The following IFT80 variants were observed in gnomAD, a reference collection of about 807,000 sequenced individuals.
The protein encoded by IFT80 is intraflagellar transport protein 80 homolog.
In IFT80, 79 loss-of-function variants were observed where a neutral mutation model predicts 107.9. That is an observed-to-expected ratio of 0.73 (90% CI 0.61 to 0.88). The LOEUF is 0.88. Among genes scored for constraint, IFT80 ranks in the 40% least tolerant of loss-of-function variants. The pLI, the probability that IFT80 is intolerant of heterozygous loss-of-function variation, is 0.00. For synonymous variants in IFT80, 299 were observed against 300.9 expected, an observed-to-expected ratio of 0.99 and a Z score of 0.07; for missense variants, 797 against 914.2, an observed-to-expected ratio of 0.87 and a Z score of 1.65.
At chr3:160,266,402 CA>C (rs1206964416) in intron 19 of IFT80, among the ~76,000 whole-genome samples, 3 of 135,774 alleles carry the variant, frequency 2.2e-5, no homozygotes, top group Non-Finnish European at 4.6e-5. Context: ...TCTTTTCTTT[CA>C]TTCTGACAGG....
chr3:160,368,613 GA>G (rs1722028663), intron 5 of IFT80, among the ~76,000 whole-genome samples: 2 of 151,716 alleles, frequency 1.3e-5, no homozygotes, highest in Admixed American at 1.3e-4. Flanking sequence ...ATCTCCAAAT[GA>G]ACGAAGTTTA....
chr3:160,292,430 C>A (rs895075687), intron 12 of IFT80, among the ~76,000 whole-genome samples: 9 of 149,464 alleles, frequency 6.0e-5, no homozygotes, highest in Non-Finnish European at 8.9e-5. Flanking sequence ...ATGGATTCAT[C>A]AAGAGAGAAG....
At chr3:160,268,023 A>T (rs1289769744) in intron 19 of IFT80, among the ~76,000 whole-genome samples, 2 of 152,236 alleles carry the variant, frequency 1.3e-5, no homozygotes, top group African/African-American at 4.8e-5. Flanking sequence ...CAAAGTGACC[A>T]ACTATGCATT....
In IFT80 at chr3:160,383,798, T is replaced by C. The variant is rs559463491; in HGVS notation, c.37+766A>G. The C allele has an allele frequency of 9.2e-5, 91 of 985,410 alleles. No individual in the cohort carries two copies. In the South Asian group the frequency reaches 3.6e-3, roughly 39 times the overall value. The allele number at this position is 985,410 out of a possible 1,614,324, so 61.0% of individuals were successfully genotyped here. A position where few individuals can be genotyped will look rare whatever the true frequency, so the allele number is the denominator to read the frequency against. On this transcript the variant is annotated intron_variant, in intron 2 of 19. Coordinates refer to ENST00000326448, the MANE Select transcript of IFT80 (RefSeq NM_020800.3). The stretch of plus-strand genomic sequence containing the variant: ...GGGTCATGTGTTTGAGAAAATATTA[T>C]TAATTGCCACCTTCCCATGTGAAAT...
At chr3:160,280,534 C>T (rs1436181787) in intron 15 of IFT80, 133 bp downstream of exon 15, 5 of 728,312 alleles carry the variant, frequency 6.9e-6, no homozygotes, top group African/African-American at 1.8e-5. Flanking sequence ...TAGCTTTAGC[C>T]GAACAATTTA....
chr3:160,266,872 T>A (rs922824678), intron 19 of IFT80, among the ~76,000 whole-genome samples: 1 of 152,094 alleles, frequency 6.6e-6, no homozygotes, highest in African/African-American at 2.4e-5. Flanking sequence ...CTGACCTTTG[T>A]GTCACAGTTC....
chr3:160,359,711 C>CAG lies in IFT80; in HGVS notation c.550-2134_550-2133insCT, dbSNP rs569960712. Among the ~76,000 whole-genome samples, 20 of 152,278 alleles carry CAG rather than the reference C, an allele frequency of 1.3e-4. No homozygotes were observed. The South Asian group carries it at 3.5e-3, about 27-fold the overall frequency. On this transcript the variant is annotated intron_variant, in intron 6 of 19. Transcript: ENST00000326448. Reference sequence around the variant, plus strand: ...CCTCTGCTGGTGATACCCAGGCAAACGGCCTGAAGTGGACCTCCAGCAAAC... The same window carrying CAG: ...CCTCTGCTGGTGATACCCAGGCAAACAGGGCCTGAAGTGGACCTCCAGCAAAC...
At chr3:160,387,935 C>T (rs1713068779) in intron 1 of IFT80, among the ~76,000 whole-genome samples, 2 of 152,010 alleles carry the variant, frequency 1.3e-5, no homozygotes, top group Non-Finnish European at 2.9e-5. Flanking sequence ...TGGAGATAGA[C>T]AATGGGATAC....
chr3:160,363,960 T>C (rs984748797), intron 6 of IFT80, among the ~76,000 whole-genome samples: 8 of 152,170 alleles, frequency 5.3e-5, no homozygotes, highest in African/African-American at 1.7e-4. Context: ...AAGGACTTCA[T>C]GACTAATACA....
At chr3:160,305,291 T>C (rs1716759092) in intron 10 of IFT80, among the ~76,000 whole-genome samples, 1 of 152,188 alleles carries the variant, frequency 6.6e-6, no homozygotes, top group Non-Finnish European at 1.5e-5. Context: ...GGTAGGCAAC[T>C]AATCTTGGCT....
At chr3:160,286,109 C>T (rs1407052583) in intron 12 of IFT80, among the ~76,000 whole-genome samples, 1 of 152,114 alleles carries the variant, frequency 6.6e-6, no homozygotes, top group Non-Finnish European at 1.5e-5. Flanking sequence ...GGCATTAATG[C>T]TCCACAGGCT....
At chr3:160,280,247 TA>T (rs1714581255) in intron 15 of IFT80, among the ~76,000 whole-genome samples, 1 of 152,226 alleles carries the variant, frequency 6.6e-6, no homozygotes, top group Non-Finnish European at 1.5e-5. Flanking sequence ...TTCCTACTTT[TA>T]ATATCAACCA....
intron 5 of IFT80, among the ~76,000 whole-genome samples, chr3:160,370,561 AT>A (rs57227757): frequency 2.0e-5 from 3 of 151,308 alleles, no homozygotes; most frequent in Admixed American, 6.6e-5. Flanking sequence ...AAATAAAGGC[AT>A]TTTTTTTTAA....
intron 14 of IFT80, among the ~76,000 whole-genome samples, chr3:160,281,779 A>C (rs1714708515): frequency 6.6e-6 from 1 of 152,312 alleles, no homozygotes; most frequent in Admixed American, 6.5e-5. Flanking sequence ...CACACTGTGC[A>C]TGTGGCCCCT....
intron 8 of IFT80, among the ~76,000 whole-genome samples, chr3:160,349,152 G>T (rs887688839): frequency 7.2e-5 from 11 of 152,178 alleles, no homozygotes; most frequent in Admixed American, 5.9e-4. Flanking sequence ...GTCAATGGTT[G>T]AAAGAAGAGA....
At chr3:160,371,942 G>GGTGTACAT (rs1234534908) in intron 5 of IFT80, among the ~76,000 whole-genome samples, 1 of 151,970 alleles carries the variant, frequency 6.6e-6, no homozygotes, top group African/African-American at 2.4e-5. Context: ...AATTATCTCT[G>GGTGTACAT]GTGTACATAT....
At chr3:160,323,803 C>T (rs1349365050) in intron 8 of IFT80, among the ~76,000 whole-genome samples, 3 of 151,046 alleles carry the variant, frequency 2.0e-5, no homozygotes, top group Non-Finnish European at 1.5e-5. Flanking sequence ...GAAATAGAGA[C>T]CAAAAAAAAC....
intron 15 of IFT80, among the ~76,000 whole-genome samples, chr3:160,279,878 C>T (rs1036875552): frequency 2.0e-5 from 3 of 152,210 alleles, no homozygotes; most frequent in African/African-American, 7.2e-5. Context: ...GCCATGATTA[C>T]ACCACTGCAT....
chr3:160,322,208 C>T (rs879786307), intron 8 of IFT80, among the ~76,000 whole-genome samples: 13 of 146,154 alleles, frequency 8.9e-5, no homozygotes, highest in Non-Finnish European at 1.5e-4. Flanking sequence ...ACAACAGTCC[C>T]CAGAGTGTGA....
Sources: allele counts gnomAD v4.1 joint callset (sites outside exome capture counted in the v4.1 genomes callset), GRCh38; gene constraint gnomAD v4.1.1; transcripts MANE v1.5; gene names NCBI Gene and HGNC (gene_info 2026-07-23, HGNC 2026-07-21).